The following ZNF600 variants were observed in gnomAD, a reference collection of about 807,000 sequenced individuals.
ZNF600 encodes zinc finger protein KR-ZNF1.
ZNF600 carries 4 observed loss-of-function variants against 7.3 expected under a neutral mutation model. That is an observed-to-expected ratio of 0.55 (90% CI 0.27 to 1.25). The LOEUF (loss-of-function observed/expected upper bound fraction) is 1.25. Among genes scored for constraint, ZNF600 ranks in the 50% most tolerant of loss-of-function variants. The pLI, the probability that ZNF600 is intolerant of heterozygous loss-of-function variation, is 0.12. For missense variants in ZNF600, 911 were observed against 922.1 expected (o/e 0.99, Z 0.16); for synonymous variants, 290 against 308.9 (o/e 0.94, Z 0.64).
At chr19:52,829,048 T>C in the ZNF600 span, among the ~76,000 whole-genome samples, 1 of 152,062 alleles carries the variant, frequency 6.6e-6, no homozygotes, top group East Asian at 1.9e-4. Context: ...GTATTTTTAG[T>C]AGAGATGGGG....
At chr19:52,784,282 T>G (rs1014777055) in intron 1 of ZNF600, among the ~76,000 whole-genome samples, 2 of 152,086 alleles carry the variant, frequency 1.3e-5, no homozygotes, top group African/African-American at 4.8e-5. Flanking sequence ...GTCTCACACC[T>G]GTGGTCTCAG....
chr19:52,801,441 T>G, the ZNF600 span: 55 of 1,614,224 alleles, frequency 3.4e-5, no homozygotes, highest in Non-Finnish European at 4.7e-5. Context: ...ATCTTTAATA[T>G]GCTTGTTTCC....
At chr19:52,809,861 T>C in the ZNF600 span, 5 of 649,800 alleles carry the variant, frequency 7.7e-6, no homozygotes, top group East Asian at 5.7e-5. Context: ...GCAGTAGCAC[T>C]GGGCCTGCGG....
chr19:52,768,098 T>G (rs578032993), intron 3 of ZNF600, among the ~76,000 whole-genome samples: 57 of 151,338 alleles, frequency 3.8e-4, no homozygotes, highest in South Asian at 8.3e-4. Flanking sequence ...GTCACATCAA[T>G]GAAGAGAAAA....
chr19:52,818,139 A>G, the ZNF600 span: 8 of 1,187,530 alleles, frequency 6.7e-6, no homozygotes, highest in Middle Eastern at 2.1e-4. Context: ...ATGGTCCCCT[A>G]TGCTGCCTAC....
At chr19:52,787,778 T>G (rs1427228343), upstream of ZNF600, among the ~76,000 whole-genome samples, 7 of 143,320 alleles carry the variant, frequency 4.9e-5, no homozygotes, top group Non-Finnish European at 7.5e-5. Context: ...GAGAATGGAG[T>G]GAACCCGGGA....
At chr19:52,783,735 A>G (rs774338006) in intron 1 of ZNF600, among the ~76,000 whole-genome samples, 3 of 151,830 alleles carry the variant, frequency 2.0e-5, no homozygotes, top group Non-Finnish European at 2.9e-5. Context: ...TTCCCCCTGG[A>G]CTTCTGCTCA....
Position 52,785,804 on chromosome 19 carries a change from C to T in ZNF600, c.-20+791G>A, listed in dbSNP as rs560544881. ...CTGGCTCCAAATCCCTCCTCCTCTC[C>T]CTCACTCTGGTGAGCCTCCCTCTTT... is the stretch of plus-strand genomic sequence containing the variant. On this transcript the variant is annotated intron_variant, in intron 1 of 3. Coordinates refer to ENST00000648973, the Ensembl canonical transcript of ZNF600. Among the ~76,000 whole-genome samples the T allele has an allele frequency of 9.9e-5, 15 of 152,256 alleles. No homozygotes were observed. In the South Asian group the frequency reaches 2.5e-3, roughly 25 times the overall value.
At chr19:52,809,877 C>T in the ZNF600 span, 1 of 722,240 alleles carries the variant, frequency 1.4e-6, no homozygotes. Context: ...TGCGGGCGGT[C>T]CGGGATCCAG....
At chr19:52,778,679 G>T in intron 2 of ZNF600, 147 bp downstream of exon 4, 2 of 1,104,250 alleles carry the variant, frequency 1.8e-6, no homozygotes, top group Non-Finnish European at 2.5e-6. Context: ...TCTCGGAGCA[G>T]CTGAGAGGAA....
chr19:52,828,037 AT>A, the ZNF600 span, among the ~76,000 whole-genome samples: 16 of 151,850 alleles, frequency 1.1e-4, no homozygotes, highest in Admixed American at 1.1e-3. Context: ...GCACTTTGTG[AT>A]TTTTTTTAAT....
At chr19:52,795,162 C>G in the ZNF600 span, among the ~76,000 whole-genome samples, 1 of 151,988 alleles carries the variant, frequency 6.6e-6, no homozygotes, top group Non-Finnish European at 1.5e-5. Context: ...ATATTATGGA[C>G]CAGAGGAACT....
upstream of ZNF600, among the ~76,000 whole-genome samples, chr19:52,788,694 C>T (rs1211634311): frequency 3.9e-5 from 6 of 152,152 alleles, no homozygotes; most frequent in Non-Finnish European, 7.3e-5. Flanking sequence ...TAACCAAACC[C>T]CATGCAGAGC....
the ZNF600 span, among the ~76,000 whole-genome samples, chr19:52,810,876 TCCCCCTCC>T: frequency 2.1e-4 from 1 of 4,666 alleles, no homozygotes; most frequent in Non-Finnish European, 3.9e-4. Context: ...CCCCTCCCCC[TCCCCCTCC>T]CCCTCCCCCT....
the ZNF600 span, among the ~76,000 whole-genome samples, chr19:52,806,184 G>C: frequency 2.0e-5 from 2 of 98,218 alleles, no homozygotes; most frequent in African/African-American, 3.4e-5. Flanking sequence ...CATTTTTGCA[G>C]GTTACAGAAT....
At chr19:52,815,380 A>G in the ZNF600 span, among the ~76,000 whole-genome samples, 1 of 144,824 alleles carries the variant, frequency 6.9e-6, no homozygotes, top group Admixed American at 7.0e-5. Context: ...AGCCAGGTAT[A>G]GTGGCAAGCA....
the ZNF600 span, among the ~76,000 whole-genome samples, chr19:52,811,842 G>A: frequency 6.8e-6 from 1 of 146,686 alleles, no homozygotes; most frequent in East Asian, 2.1e-4. Flanking sequence ...CTACTGGGAA[G>A]TGAGGACCCC....
chr19:52,767,502 T>C (rs78450742), exon 4 of ZNF600: 37 of 1,614,184 alleles, frequency 2.3e-5, no homozygotes, highest in African/African-American at 4.0e-5. Flanking sequence ...TCCAAGCTGA[T>C]CTTTAATAGG....
At chr19:52,811,895 A>G in the ZNF600 span, among the ~76,000 whole-genome samples, 3 of 79,536 alleles carry the variant, frequency 3.8e-5, no homozygotes, top group Admixed American at 1.3e-4. Flanking sequence ...GGTGGGGGGG[A>G]CAGCCCCCCG....
Sources: allele counts gnomAD v4.1 joint callset (sites outside exome capture counted in the v4.1 genomes callset), GRCh38; gene constraint gnomAD v4.1.1; transcripts MANE v1.5; gene names NCBI Gene and HGNC (gene_info 2026-07-23, HGNC 2026-07-21).